Variants in RASGRF1 observed in about 807,000 individuals in gnomAD.
RASGRF1 encodes the protein ras-specific guanine nucleotide-releasing factor 1.
A neutral mutation model predicts 138.7 loss-of-function variants in RASGRF1; 40 were observed. The observed-to-expected ratio is 0.29, with a 90% CI of 0.22 to 0.38. RASGRF1 has a LOEUF of 0.38. RASGRF1 is among the 10% of genes least tolerant of loss of function. The pLI is 1.00. For synonymous variants in RASGRF1, 614 were observed against 663.2 expected, an observed-to-expected ratio of 0.93 and a Z score of 1.14; for missense variants, 1,108 against 1,650.4, an observed-to-expected ratio of 0.67 and a Z score of 5.69.
At chr15:79,065,408 G>C (rs2057664959) in intron 1 of RASGRF1, among the ~76,000 whole-genome samples, 1 of 152,078 alleles carries the variant, frequency 6.6e-6, no homozygotes, top group Non-Finnish European at 1.5e-5. Flanking sequence ...GATGCCAGTG[G>C]GCAGGTGGGC....
intron 1 of RASGRF1, among the ~76,000 whole-genome samples, chr15:79,068,565 A>C (rs1435444374): frequency 1.3e-5 from 2 of 148,374 alleles, no homozygotes; most frequent in African/African-American, 2.5e-5. Context: ...TTTTATATCG[A>C]TGTATCATAT....
chr15:79,064,276 G>A lies in RASGRF1; in HGVS notation c.383+144C>T, dbSNP rs1235788097. ...TCCCAGAGGTGCAGGATGTAAGGGT[G>A]GACCCTGCCAAGAGATGCTTCTCCT... is the stretch of plus-strand genomic sequence containing the variant. On this transcript the variant is annotated intron_variant, in intron 2 of 26. Transcript: ENST00000558480. 15 of 727,928 alleles carry A rather than the reference G, an allele frequency of 2.1e-5. No homozygotes were observed. The East Asian group carries it at 3.9e-4, about 19-fold the overall frequency. 45.1% of individuals were successfully genotyped at this position (727,928 alleles called of 1,614,324 possible).
At chr15:78,979,078 G>T in intron 24 of RASGRF1, 1 of 1,290,262 alleles carries the variant, frequency 7.8e-7, no homozygotes, top group South Asian at 1.2e-5. Flanking sequence ...GGTGCCCCGG[G>T]GGCGGACGGA....
At chr15:79,021,910 T>G (rs186550200) in intron 10 of RASGRF1, among the ~76,000 whole-genome samples, 10 of 152,326 alleles carry the variant, frequency 6.6e-5, no homozygotes, top group African/African-American at 2.4e-4. Flanking sequence ...TAATTAAGAG[T>G]GACAATGTCT....
chr15:79,033,588 T>TC (rs1304989358), intron 6 of RASGRF1, among the ~76,000 whole-genome samples: 10 of 139,572 alleles, frequency 7.2e-5, no homozygotes, highest in Non-Finnish European at 1.1e-4. Context: ...TTTCTTTTTT[T>TC]TTTTTTTTTT....
intron 20 of RASGRF1, among the ~76,000 whole-genome samples, chr15:78,992,553 G>A (rs1010547147): frequency 1.3e-5 from 2 of 152,170 alleles, no homozygotes; most frequent in Admixed American, 6.5e-5. Context: ...GCTGGAAGGC[G>A]GTGGGTAAAG....
chr15:79,079,151 C>T (rs1032907015), intron 1 of RASGRF1, among the ~76,000 whole-genome samples: 2 of 152,234 alleles, frequency 1.3e-5, no homozygotes, highest in Non-Finnish European at 2.9e-5. Flanking sequence ...TACTCCAGGG[C>T]CTGGGCGCCA....
At chr15:78,991,325 A>G (rs1431466557) in intron 21 of RASGRF1, among the ~76,000 whole-genome samples, 4 of 151,994 alleles carry the variant, frequency 2.6e-5, no homozygotes, top group African/African-American at 7.3e-5. Context: ...TGTCCCCTAA[A>G]TCAGCTACTG....
chr15:79,090,177 G>A lies in RASGRF1; in HGVS notation c.276+46C>T, dbSNP rs751535111. On this transcript the variant is annotated intron_variant, in intron 1 of 26. Coordinates refer to ENST00000558480, the MANE Select transcript of RASGRF1 (RefSeq NM_001145648.3). ...CAGCCGAAGGCCCTGAGCCCCCAGG[G>A]CCGCGGCCGGGACGCAGGGAGGTCA... The A allele has an allele frequency of 1.1e-4, 164 of 1,535,348 alleles. 1 individual carries two copies. The highest frequency in any genetic ancestry group is 1.1e-4 in the Non-Finnish European group (130 of 1,145,582).
intron 1 of RASGRF1, among the ~76,000 whole-genome samples, chr15:79,071,784 A>G (rs55979970): frequency 0.14 from 21,013 of 152,036 alleles, 1,519 homozygotes; most frequent in Middle Eastern, 0.19. Flanking sequence ...TGGCAGGTGA[A>G]GTCAGCTGGT....
intron 20 of RASGRF1, among the ~76,000 whole-genome samples, chr15:78,992,037 T>G (rs7172300): frequency 1.3e-5 from 2 of 152,280 alleles, no homozygotes; most frequent in Admixed American, 6.5e-5. Context: ...GTGCTCGGAC[T>G]GCCCTCACCC....
intron 1 of RASGRF1, among the ~76,000 whole-genome samples, chr15:79,087,766 G>C (rs142276172): frequency 2.9e-4 from 44 of 152,384 alleles, no homozygotes; most frequent in African/African-American, 1.0e-3. Context: ...TTGTACACAT[G>C]TGTAGCCGGA....
chr15:79,087,338 G>A (rs1262028373), intron 1 of RASGRF1, among the ~76,000 whole-genome samples: 1 of 152,206 alleles, frequency 6.6e-6, no homozygotes, highest in Non-Finnish European at 1.5e-5. Flanking sequence ...TGCATTTCCT[G>A]TGCATCTACT....
In RASGRF1 at chr15:79,082,698, G is replaced by A. The variant is rs116312891; in HGVS notation, c.276+7525C>T. On this transcript the variant is annotated intron_variant, in intron 1 of 26. Transcript: ENST00000558480. ...TATACCCAGGAGGAAAAACTAACAG[G>A]GCTTCGTGATGATTTGTCCACAGGG... Among the ~76,000 whole-genome samples, 861 of 152,270 alleles carry A rather than the reference G, an allele frequency of 5.7e-3. 6 individuals are homozygous for A. Among genetic ancestry groups the A allele is most frequent in the African/African-American group, 0.019 (798 of 41,566 alleles).
At chr15:79,064,300 C>T in intron 2 of RASGRF1, 120 bp downstream of exon 2, 1 of 919,286 alleles carries the variant, frequency 1.1e-6, no homozygotes, top group Non-Finnish European at 1.7e-6. Flanking sequence ...GATGCTTCTC[C>T]TCCTCCTTTC....
chr15:79,049,096 C>T (rs1045108940), intron 4 of RASGRF1, among the ~76,000 whole-genome samples: 7 of 152,102 alleles, frequency 4.6e-5, no homozygotes, highest in African/African-American at 7.2e-5. Flanking sequence ...TGAGAGGTGG[C>T]GTGTACATGG....
chr15:79,012,552 T>C, intron 13 of RASGRF1: 11 of 1,614,126 alleles, frequency 6.8e-6, no homozygotes, highest in Non-Finnish European at 9.3e-6. Context: ...AGGCTTTAGA[T>C]TGGTAAGCAG....
At chr15:79,075,887 T>C (rs1280250983) in intron 1 of RASGRF1, among the ~76,000 whole-genome samples, 2 of 152,190 alleles carry the variant, frequency 1.3e-5, no homozygotes, top group African/African-American at 4.8e-5. Flanking sequence ...CCAACAACAC[T>C]TGCCTTGGTC....
rs555940270 is a variant in RASGRF1, at chr15:78,988,839, G to GTTTTTTTTTTT, written c.3216+1339_3216+1349dup. ...CATGTGGGGAAGTTGCTGGGAGGGA[G>GTTTTTTTTTTT]TTTTTTTTTTTTTTTTTTCCTCACA... On this transcript the variant is annotated intron_variant, in intron 22 of 26. Coordinates refer to ENST00000558480, the MANE Select transcript of RASGRF1 (RefSeq NM_001145648.3). 3.1e-4 allele frequency among the ~76,000 whole-genome samples: 39 copies of GTTTTTTTTTTT among 127,092 alleles called. 1 individual carries two copies. Among genetic ancestry groups the GTTTTTTTTTTT allele is most frequent in the Non-Finnish European group, 4.3e-4 (27 of 62,278 alleles). 83.4% of individuals were successfully genotyped at this position (127,092 alleles called of 152,430 possible).
Sources: gnomAD v4.1 joint callset for allele counts (sites outside exome capture counted in the v4.1 genomes callset) on GRCh38, gnomAD v4.1.1 for gene constraint, MANE v1.5 for transcripts, NCBI Gene and HGNC (gene_info 2026-07-23, HGNC 2026-07-21) for gene names.